BICD1: variants seen among roughly 807,000 people sequenced by gnomAD.
BICD1 encodes BICD cargo adaptor 1.
In BICD1, 35 loss-of-function variants were observed where a neutral mutation model predicts 92.5. The ratio of observed to expected loss-of-function variants is 0.38; its 90% confidence interval spans 0.29 to 0.50. The LOEUF (loss-of-function observed/expected upper bound fraction) is 0.50. Among genes scored for constraint, BICD1 ranks in the 20% least tolerant of loss-of-function variants. The pLI is 0.93. For missense variants in BICD1, 950 were observed against 1,189.8 expected (o/e 0.80, Z 2.97); for synonymous variants, 429 against 465.1 (o/e 0.92, Z 1.00).
chr12:32,341,642 T>A (rs1938371221), intron 8 of BICD1, among the ~76,000 whole-genome samples: 1 of 152,138 alleles, frequency 6.6e-6, no homozygotes, highest in Non-Finnish European at 1.5e-5. Flanking sequence ...CCTTAGGAAT[T>A]TTTAATTATG....
At chr12:32,163,968 A>T (rs544356000) in intron 1 of BICD1, among the ~76,000 whole-genome samples, 66 of 151,050 alleles carry the variant, frequency 4.4e-4, no homozygotes, top group African/African-American at 1.1e-3. Context: ...AAATTTCAAA[A>T]TTTTTTTTTT....
chr12:32,134,010 T>C (rs1270402660), intron 1 of BICD1, among the ~76,000 whole-genome samples: 2 of 152,200 alleles, frequency 1.3e-5, no homozygotes, highest in East Asian at 1.9e-4. Context: ...CTTGATCTCC[T>C]GACCTGGTGA....
intron 4 of BICD1, among the ~76,000 whole-genome samples, chr12:32,320,685 A>AAC (rs1202317909): frequency 7.8e-5 from 11 of 141,180 alleles, no homozygotes; most frequent in African/African-American, 1.8e-4. Flanking sequence ...CACTCAGTGA[A>AAC]ATAAAAAAAA....
intron 1 of BICD1, among the ~76,000 whole-genome samples, chr12:32,193,484 G>A (rs1288145736): frequency 6.6e-6 from 1 of 152,140 alleles, no homozygotes; most frequent in Non-Finnish European, 1.5e-5. Context: ...TTGCTCTGTT[G>A]TGGTGGTTTG....
intron 2 of BICD1, among the ~76,000 whole-genome samples, chr12:32,283,327 C>T (rs189464532): frequency 2.7e-5 from 4 of 145,884 alleles, no homozygotes; most frequent in South Asian, 2.3e-4. Flanking sequence ...GATCTGAACC[C>T]GGGGACGTCT....
chr12:32,134,016 G>A (rs992357839), intron 1 of BICD1, among the ~76,000 whole-genome samples: 4 of 151,958 alleles, frequency 2.6e-5, no homozygotes, highest in African/African-American at 9.7e-5. Flanking sequence ...CTCCTGACCT[G>A]GTGATCCACC....
At chr12:32,216,902 T>C (rs968658053) in intron 2 of BICD1, among the ~76,000 whole-genome samples, 2 of 152,186 alleles carry the variant, frequency 1.3e-5, no homozygotes, top group Non-Finnish European at 2.9e-5. Flanking sequence ...TCCTGAGAAG[T>C]CTTTGAGTCT....
Position 32,259,764 on chromosome 12 carries a change from A to C in BICD1, c.427-34230A>C, listed in dbSNP as rs78918873. On this transcript the variant is annotated intron_variant, in intron 2 of 9. Coordinates refer to ENST00000652176, the MANE Select transcript of BICD1 (RefSeq NM_001714.4). ...GTTAGTGAGTGGATTATATAATCTAAAGGCAAGGGCTTGTAGGAAGAGGCA... is the reference window on the plus strand; with the variant it reads ...GTTAGTGAGTGGATTATATAATCTACAGGCAAGGGCTTGTAGGAAGAGGCA... Among the ~76,000 whole-genome samples the C allele has an allele frequency of 4.5e-3, 687 of 152,324 alleles. 4 individuals carry two copies. Among genetic ancestry groups the C allele is most frequent in the African/African-American group, 0.016 (659 of 41,574 alleles).
chr12:32,185,113 T>C (rs777805068), intron 1 of BICD1, among the ~76,000 whole-genome samples: 47 of 152,318 alleles, frequency 3.1e-4, no homozygotes, highest in Middle Eastern at 3.4e-3. Context: ...CTCTGCCATC[T>C]TCAAGCCACT....
chr12:32,116,438 C>CTCTT (rs1941893568), intron 1 of BICD1, among the ~76,000 whole-genome samples: 1 of 148,272 alleles, frequency 6.7e-6, no homozygotes, highest in Non-Finnish European at 1.5e-5. Context: ...ATGTCTCTGT[C>CTCTT]TCTGTCTGTC....
chr12:32,257,890 C>T (rs763211214), intron 2 of BICD1, among the ~76,000 whole-genome samples: 1 of 152,074 alleles, frequency 6.6e-6, no homozygotes, highest in African/African-American at 2.4e-5. Context: ...TGTGTGTATA[C>T]ATATATTTCA....
rs545091248 is a variant in BICD1 at position 32,247,223 on chromosome 12, C to T, written c.426+30764C>T. Among the ~76,000 whole-genome samples, 6 of 131,712 alleles carry T rather than the reference C, an allele frequency of 4.6e-5. No individual in the cohort carries two copies. In the South Asian group the frequency reaches 1.0e-3, roughly 22 times the overall value. The allele number at this position is 131,712 out of a possible 152,430, so 86.4% of individuals were successfully genotyped here. A position where few individuals can be genotyped will look rare whatever the true frequency, so the allele number is the denominator to read the frequency against. On this transcript the variant is annotated intron_variant, in intron 2 of 9. Coordinates refer to ENST00000652176, the MANE Select transcript of BICD1 (RefSeq NM_001714.4). Reference sequence around the variant, plus strand: ...CTGGGTTTCGCTCTGGATGACAGAGCGAGACCCTGTATCAAAAAAAAAAAA... The same window carrying T: ...CTGGGTTTCGCTCTGGATGACAGAGTGAGACCCTGTATCAAAAAAAAAAAA...
chr12:32,332,389 A>G (rs1937917347), intron 5 of BICD1: 1 of 960,270 alleles, frequency 1.0e-6, no homozygotes, highest in Non-Finnish European at 1.2e-6. Flanking sequence ...AAAAGTTAAA[A>G]ATAAATAAAT....
chr12:32,175,055 A>T (rs555217824), intron 1 of BICD1, among the ~76,000 whole-genome samples: 6 of 152,096 alleles, frequency 3.9e-5, no homozygotes, highest in Admixed American at 3.9e-4. Flanking sequence ...AAAGCTATTG[A>T]TTTTTTTCCT....
At chr12:32,293,866 G>A (rs1344212693) in intron 2 of BICD1, 128 bp from the exon 3 acceptor site, 12 of 947,438 alleles carry the variant, frequency 1.3e-5, no homozygotes, top group Admixed American at 7.1e-5. Context: ...ATTGCCATTC[G>A]AAAAAATGCA....
chr12:32,320,540 G>C (rs868127301), intron 4 of BICD1, among the ~76,000 whole-genome samples: 1 of 152,184 alleles, frequency 6.6e-6, no homozygotes, highest in African/African-American at 2.4e-5. Flanking sequence ...TACTCGGGAG[G>C]CTGAGGCAGG....
chr12:32,230,590 C>T (rs1441987817), intron 2 of BICD1, among the ~76,000 whole-genome samples: 1 of 152,070 alleles, frequency 6.6e-6, no homozygotes, highest in Non-Finnish European at 1.5e-5. Context: ...TGCTACATAA[C>T]AGTAACAGTG....
intron 2 of BICD1, among the ~76,000 whole-genome samples, chr12:32,220,381 TCAAACA>T (rs1945480007): frequency 6.6e-6 from 1 of 151,990 alleles, no homozygotes; most frequent in Non-Finnish European, 1.5e-5. Flanking sequence ...TGCAATGAAC[TCAAACA>T]AATTTACAAG....
Position 32,381,017 on chromosome 12 carries a change from A to G in BICD1, c.*3390A>G, listed in dbSNP as rs1940157415. On this transcript the variant is annotated 3_prime_UTR_variant, in exon 10 of 10. Transcript: ENST00000652176. ...AATTGAATATCATTGGTGGTCTAGT[A>G]AGTATTAAGTGGCAAGATAGGAGAA... 1.3e-5 allele frequency: 2 copies of G among 152,080 alleles called. No individual in the cohort carries two copies. The highest frequency in any genetic ancestry group is 4.8e-5 in the African/African-American group (2 of 41,438). The allele number at this position is 152,080 out of a possible 1,614,324, so 9.4% of individuals were successfully genotyped here. A position where few individuals can be genotyped will look rare whatever the true frequency, so the allele number is the denominator to read the frequency against.
Sources: allele counts gnomAD v4.1 joint callset (sites outside exome capture counted in the v4.1 genomes callset), GRCh38; gene constraint gnomAD v4.1.1; transcripts MANE v1.5; gene names NCBI Gene and HGNC (gene_info 2026-07-23, HGNC 2026-07-21).